Variants in TUNAR observed in about 807,000 individuals in gnomAD.
TUNAR encodes the protein transmembrane neural differentiation associated intracellular calcium regulator.
intron 2 of TUNAR, among the ~76,000 whole-genome samples, chr14:95,887,335 G>A (rs1889094562): frequency 6.6e-6 from 1 of 152,206 alleles, no homozygotes; most frequent in African/African-American, 2.4e-5. Flanking sequence ...ACTGGATGGG[G>A]GATGCAGTGT....
At chr14:95,908,796 G>A (rs1889466986) in intron 2 of TUNAR, among the ~76,000 whole-genome samples, 1 of 152,220 alleles carries the variant, frequency 6.6e-6, no homozygotes, top group Admixed American at 6.5e-5. Context: ...AGAGAGGGAA[G>A]TTGATGTAGT....
chr14:95,882,293 T>C (rs1375733708), intron 2 of TUNAR, among the ~76,000 whole-genome samples: 1 of 152,144 alleles, frequency 6.6e-6, no homozygotes, highest in Non-Finnish European at 1.5e-5. Context: ...AAGTAGAAAA[T>C]GCAAGAGTAG....
At chr14:95,904,413 G>A (rs1345158395) in intron 2 of TUNAR, among the ~76,000 whole-genome samples, 1 of 152,286 alleles carries the variant, frequency 6.6e-6, no homozygotes, top group Admixed American at 6.5e-5. Context: ...GTGGGCCCTG[G>A]AATGATTCAG....
intron 2 of TUNAR, among the ~76,000 whole-genome samples, chr14:95,907,059 CTTTCACACTTTGCT>C (rs1282078586): frequency 6.6e-6 from 1 of 152,182 alleles, no homozygotes; most frequent in African/African-American, 2.4e-5. Flanking sequence ...GTTGCATGCA[CTTTCACACTTTGCT>C]TTTCTAAGTT....
intron 2 of TUNAR, among the ~76,000 whole-genome samples, chr14:95,918,506 G>A (rs1443398244): frequency 1.3e-5 from 2 of 152,112 alleles, no homozygotes; most frequent in Non-Finnish European, 2.9e-5. Flanking sequence ...TGGGAATCAA[G>A]CCACACTCCC....
chr14:95,915,342 T>C (rs1412563517), intron 2 of TUNAR, among the ~76,000 whole-genome samples: 1 of 152,188 alleles, frequency 6.6e-6, no homozygotes, highest in African/African-American at 2.4e-5. Context: ...AAAGTCAGCC[T>C]GGCTGCAGGC....
chr14:95,893,041 G>A (rs1235027508), intron 2 of TUNAR, among the ~76,000 whole-genome samples: 3 of 152,110 alleles, frequency 2.0e-5, no homozygotes, highest in African/African-American at 7.2e-5. Context: ...CTGAAGACGC[G>A]TCAAGTTTTA....
At chr14:95,898,345 G>T (rs988060697) in intron 2 of TUNAR, among the ~76,000 whole-genome samples, 6 of 152,186 alleles carry the variant, frequency 3.9e-5, no homozygotes, top group Non-Finnish European at 8.8e-5. Flanking sequence ...ATTACATGAG[G>T]ATAGTCTCCA....
chr14:95,888,964 C>G (rs1385878570), intron 2 of TUNAR, among the ~76,000 whole-genome samples: 1 of 152,186 alleles, frequency 6.6e-6, no homozygotes, highest in African/African-American at 2.4e-5. Context: ...CGTCACCCCT[C>G]TGCAGTGTAA....
intron 2 of TUNAR, among the ~76,000 whole-genome samples, chr14:95,892,188 A>T (rs941783): frequency 0.38 from 58,359 of 152,078 alleles, 11,524 homozygotes; most frequent in Non-Finnish European, 0.43. Flanking sequence ...GACCACACTC[A>T]TACCCAGAAG....
At chr14:95,923,225 G>T (rs1414796567) in exon 3 of TUNAR, 13 of 326,982 alleles carry the variant, frequency 4.0e-5, no homozygotes, top group Non-Finnish European at 6.6e-5. Flanking sequence ...GGGCCCAGAA[G>T]AATGCTTGGA....
chr14:95,908,223 G>A (rs1566790302), intron 2 of TUNAR, among the ~76,000 whole-genome samples: 1 of 152,236 alleles, frequency 6.6e-6, no homozygotes, highest in Non-Finnish European at 1.5e-5. Flanking sequence ...AAGTCAGATA[G>A]TGGGAAGAGG....
chr14:95,908,932 G>A (rs1390199828), intron 2 of TUNAR, among the ~76,000 whole-genome samples: 1 of 152,190 alleles, frequency 6.6e-6, no homozygotes, highest in Non-Finnish European at 1.5e-5. Flanking sequence ...TGGCCCAGTG[G>A]AAGTGGCAGG....
intron 2 of TUNAR, among the ~76,000 whole-genome samples, chr14:95,882,843 T>C (rs1304282392): frequency 6.6e-6 from 1 of 152,190 alleles, no homozygotes; most frequent in East Asian, 1.9e-4. Context: ...ATTCAGAAAA[T>C]GGATGATAAT....
rs76439827 is a variant in TUNAR at position 95,911,693 on chromosome 14, T to C, written c.13-11088T>C. Among the ~76,000 whole-genome samples the C allele has an allele frequency of 8.7e-3, 1,319 of 152,314 alleles. 14 individuals carry two copies. The highest frequency in any genetic ancestry group is 0.016 in the Non-Finnish European group (1,059 of 68,032). Reference sequence around the variant, plus strand: ...GACGGAGAAACACTCAGAATTACAGTTGAGCCTGAGCCACTCCATTGAAAG... The same window carrying C: ...GACGGAGAAACACTCAGAATTACAGCTGAGCCTGAGCCACTCCATTGAAAG... On this transcript the variant is annotated intron_variant, in intron 2 of 2. Coordinates refer to ENST00000678517, the Ensembl canonical transcript of TUNAR.
chr14:95,901,368 G>T (rs1889351206), intron 2 of TUNAR, among the ~76,000 whole-genome samples: 1 of 152,236 alleles, frequency 6.6e-6, no homozygotes, highest in Admixed American at 6.5e-5. Context: ...CCAGAGAGTT[G>T]GGGGCCAGGG....
chr14:95,891,034 G>A (rs1889172077), intron 2 of TUNAR, among the ~76,000 whole-genome samples: 1 of 152,192 alleles, frequency 6.6e-6, no homozygotes, highest in South Asian at 2.1e-4. Context: ...GAAGTTGGGG[G>A]GCAGGGAAGC....
At chr14:95,898,226 C>T (rs1935241501) in intron 2 of TUNAR, among the ~76,000 whole-genome samples, 3 of 152,186 alleles carry the variant, frequency 2.0e-5, no homozygotes, top group African/African-American at 7.2e-5. Context: ...TTAGAGTTTT[C>T]CTTGTTGCTG....
At chr14:95,885,237 T>A (rs1294163299) in intron 2 of TUNAR, among the ~76,000 whole-genome samples, 3 of 152,220 alleles carry the variant, frequency 2.0e-5, no homozygotes, top group Non-Finnish European at 4.4e-5. Flanking sequence ...ATTTTCACGC[T>A]CAGCATCAAT....
Sources: allele counts gnomAD v4.1 joint callset (sites outside exome capture counted in the v4.1 genomes callset), GRCh38; gene constraint gnomAD v4.1.1; transcripts MANE v1.5; gene names NCBI Gene and HGNC (gene_info 2026-07-23, HGNC 2026-07-21).